Variants in DYSF observed in about 807,000 individuals in gnomAD.
DYSF encodes the protein dysferlin, also known as dystrophy-associated fer-1-like 1.
A neutral mutation model predicts 274.9 loss-of-function variants in DYSF; 212 were observed. That is an observed-to-expected ratio of 0.77 (90% CI 0.69 to 0.86). DYSF has a LOEUF of 0.86. Among genes scored for constraint, DYSF ranks in the 40% least tolerant of loss-of-function variants. The pLI, the probability that DYSF is intolerant of heterozygous loss-of-function variation, is 0.00. For missense variants in DYSF, 2,666 were observed against 2,783.2 expected, an observed-to-expected ratio of 0.96 and a Z score of 0.95; for synonymous variants, 1,091 against 1,078.7, an observed-to-expected ratio of 1.01 and a Z score of -0.22.
At chr2:71,658,101 G>A (rs1423468288) in intron 43 of DYSF, among the ~76,000 whole-genome samples, 1 of 152,118 alleles carries the variant, frequency 6.6e-6, no homozygotes, top group East Asian at 1.9e-4. Context: ...TGAATGCTTT[G>A]CTGCTTAGAA....
intron 4 of DYSF, among the ~76,000 whole-genome samples, chr2:71,504,539 G>T (rs1431016975): frequency 2.6e-5 from 4 of 152,198 alleles, no homozygotes; most frequent in Admixed American, 2.6e-4. Context: ...ACCCCAAGGA[G>T]TTCTGGAACT....
intron 8 of DYSF, 52 bp downstream of exon 8, chr2:71,515,803 G>A (rs1226084385): frequency 1.9e-6 from 3 of 1,611,472 alleles, no homozygotes; most frequent in South Asian, 2.2e-5. Flanking sequence ...TTCCAATCTG[G>A]AAGCCCAGTG....
intron 4 of DYSF, among the ~76,000 whole-genome samples, chr2:71,510,015 A>G (rs75808122): frequency 0.096 from 14,624 of 152,158 alleles, 764 homozygotes; most frequent in African/African-American, 0.1. Context: ...TGACCTCAAG[A>G]GATCCGCCTG....
intron 40 of DYSF, among the ~76,000 whole-genome samples, chr2:71,618,180 G>GCATGT (rs2093960990): frequency 7.5e-6 from 1 of 132,642 alleles, no homozygotes; most frequent in Non-Finnish European, 1.6e-5. Context: ...GGTAGAGGTG[G>GCATGT]GGTATAAGTG....
intron 21 of DYSF, 148 bp from the exon 22 acceptor site, chr2:71,555,817 T>C: frequency 2.9e-6 from 2 of 699,204 alleles, no homozygotes; most frequent in South Asian, 1.6e-5. Context: ...GGATAGACCC[T>C]GGTTTGTTGG....
chr2:71,587,026 T>A (rs1220800081), intron 30 of DYSF, among the ~76,000 whole-genome samples: 2 of 152,216 alleles, frequency 1.3e-5, no homozygotes, highest in East Asian at 1.9e-4. Context: ...CTGTTGCACC[T>A]GCGGGCTGGC....
chr2:71,550,988 C>G, intron 17 of DYSF, 53 bp from the exon 18 acceptor site: 1 of 1,526,234 alleles, frequency 6.6e-7, no homozygotes, highest in Non-Finnish European at 9.1e-7. Flanking sequence ...CTGGGTGGAG[C>G]ATTGGGAAGC....
At chr2:71,669,321 C>T in intron 50 of DYSF, 114 bp downstream of exon 50, 2 of 997,400 alleles carry the variant, frequency 2.0e-6, no homozygotes, top group Non-Finnish European at 3.1e-6. Flanking sequence ...AAACAAACTT[C>T]CAACGAGGGC....
At chr2:71,541,046 C>T (rs1478874505) in intron 17 of DYSF, among the ~76,000 whole-genome samples, 1 of 152,110 alleles carries the variant, frequency 6.6e-6, no homozygotes, top group Non-Finnish European at 1.5e-5. Context: ...CTACTAAATT[C>T]CTAAATGTGT....
At chr2:71,567,491 A>G (rs971967572) in intron 24 of DYSF, among the ~76,000 whole-genome samples, 1 of 152,254 alleles carries the variant, frequency 6.6e-6, no homozygotes, top group South Asian at 2.1e-4. Context: ...TTATCTCCGC[A>G]GTCATACTGG....
In DYSF at chr2:71,528,183, G is replaced by A. The variant is rs891782090; in HGVS notation, c.1277-115G>A. On this transcript the variant is annotated intron_variant, in intron 13 of 55. Coordinates refer to ENST00000410020, the MANE Select transcript of DYSF (RefSeq NM_001130987.2). The stretch of plus-strand genomic sequence containing the variant: ...CCTGGGCTGAGTCCCTGTGTGAAGG[G>A]GCCAAAGCTTCTTGCTCAGGTAGTC... The A allele has an allele frequency of 7.6e-6, 7 of 925,588 alleles. No homozygotes were observed. In the African/African-American group the frequency reaches 8.1e-5, roughly 11 times the overall value. The allele number at this position is 925,588 out of a possible 1,614,324, so 57.3% of individuals were successfully genotyped here. A position where few individuals can be genotyped will look rare whatever the true frequency, so the allele number is the denominator to read the frequency against.
intron 14 of DYSF, among the ~76,000 whole-genome samples, chr2:71,533,958 T>A (rs1017924434): frequency 6.6e-6 from 1 of 152,190 alleles, no homozygotes; most frequent in African/African-American, 2.4e-5. Context: ...GGATCGTTGG[T>A]CTCTCTTCTT....
intron 10 of DYSF, among the ~76,000 whole-genome samples, chr2:71,519,092 CAAAAAAA>C (rs70959240): frequency 1.0e-4 from 6 of 59,728 alleles, no homozygotes; most frequent in Non-Finnish European, 1.1e-4. Context: ...CACTCCATCT[CAAAAAAA>C]AAAAAAAAAA....
At chr2:71,480,836 G>A (rs776087560) in intron 1 of DYSF, 47 bp from the exon 2 acceptor site, 90 of 1,573,760 alleles carry the variant, frequency 5.7e-5, no homozygotes, top group Non-Finnish European at 7.8e-5. Flanking sequence ...AGCGGAAGGT[G>A]AAAGGCGGGA....
Position 71,535,098 on chromosome 2 carries a change from C to G in DYSF, c.1449+9C>G. 3 of 1,614,132 alleles carry G rather than the reference C, an allele frequency of 1.9e-6. No individual in the cohort carries two copies. The highest frequency in any genetic ancestry group is 2.5e-6 in the Non-Finnish European group (3 of 1,180,004). On this transcript the variant is annotated intron_variant, in intron 15 of 55. Transcript: ENST00000410020. ...TCACACTGCCTGCCATGGTGAGCCT[C>G]CTGCCCCCAGCAAACCCAAGGAGGC...
At position 71,669,180 on chromosome 2, in the gene DYSF, A is replaced by C. The variant is rs758863467; in HGVS notation, c.5615A>C (p.Glu1872Ala). 1 of 1,610,282 alleles carries C rather than the reference A, an allele frequency of 6.2e-7. No homozygotes were observed. The highest frequency in any genetic ancestry group is 8.5e-7 in the Non-Finnish European group (1 of 1,178,440). ...VILDDLSLTGEKMSDIYVKGW... is the reference protein window; with the variant it reads ...VILDDLSLTGAKMSDIYVKGW... ...CTGGATGACCTGAGCCTCACGGGGG[A>C]GAAGATGAGCGACATTTATGTGAAA... Residue 1872 changes from glutamate to alanine, a missense_variant, in exon 50 of 56, where the codon GAG becomes GCG. Coordinates refer to ENST00000410020, the MANE Select transcript of DYSF (RefSeq NM_001130987.2).
chr2:71,609,480 TAAC>T (rs745307159), intron 36 of DYSF, among the ~76,000 whole-genome samples: 1 of 152,206 alleles, frequency 6.6e-6, no homozygotes, highest in Non-Finnish European at 1.5e-5. Context: ...ACAATGGTAC[TAAC>T]AACAATTCTA....
In DYSF at chr2:71,598,854, C is replaced by A. The variant is rs2093471725; in HGVS notation, c.3756+109C>A. The A allele has an allele frequency of 3.9e-6, 5 of 1,269,174 alleles. No homozygotes were observed. In the African/African-American group the frequency reaches 4.4e-5, roughly 11 times the overall value. The allele number at this position is 1,269,174 out of a possible 1,614,324, so 78.6% of individuals were successfully genotyped here. On this transcript the variant is annotated intron_variant, in intron 33 of 55. Coordinates refer to ENST00000410020, the MANE Select transcript of DYSF (RefSeq NM_001130987.2). ...CAGCCAGATGGGTGCTCTCCTAACT[C>A]CACGGGCCCTAGAACAATTAAAATA...
chr2:71,590,073 A>G lies in DYSF; in HGVS notation c.3497-138A>G, dbSNP rs2093213245. ...GTGGTCTGTTCTCCTGACCTCGCACAGTGGCCTGTGTGGTTTCCCTCATTC... is the reference window on the plus strand; with the variant it reads ...GTGGTCTGTTCTCCTGACCTCGCACGGTGGCCTGTGTGGTTTCCCTCATTC... On this transcript the variant is annotated intron_variant, in intron 31 of 55. Transcript: ENST00000410020. The G allele has an allele frequency of 7.3e-6, 6 of 825,836 alleles. No individual in the cohort carries two copies. In the Admixed American group the frequency reaches 1.2e-4, roughly 16 times the overall value. The allele number at this position is 825,836 out of a possible 1,614,324, so 51.2% of individuals were successfully genotyped here.
Sources: allele counts gnomAD v4.1 joint callset (sites outside exome capture counted in the v4.1 genomes callset), GRCh38; gene constraint gnomAD v4.1.1; transcripts MANE v1.5; gene names NCBI Gene and HGNC (gene_info 2026-07-23, HGNC 2026-07-21).